REV3L: variants seen among roughly 807,000 people sequenced by gnomAD.
The protein encoded by REV3L is REV3 like, DNA directed polymerase zeta catalytic subunit, also known as DNA polymerase zeta catalytic subunit.
Under a neutral mutation model 299.4 loss-of-function variants are expected in REV3L, and 69 were observed. That is an observed-to-expected ratio of 0.23 (90% confidence interval 0.19 to 0.28). The LOEUF (loss-of-function observed/expected upper bound fraction) is 0.28. Ranked by LOEUF, REV3L falls within the 10% of genes least tolerant of loss-of-function variation. The pLI is 1.00. For missense variants in REV3L, 3,128 were observed against 3,693.8 expected, an observed-to-expected ratio of 0.85 and a Z score of 3.97; for synonymous variants, 1,238 against 1,271.4, an observed-to-expected ratio of 0.97 and a Z score of 0.56.
chr6:111,348,064 A>G (rs1267468652), intron 20 of REV3L, among the ~76,000 whole-genome samples: 2 of 152,158 alleles, frequency 1.3e-5, no homozygotes, highest in East Asian at 3.8e-4. Flanking sequence ...GGCCTCCCCA[A>G]GTGCTGGGAT....
At chr6:111,368,857 G>C (rs539230675) in intron 13 of REV3L, among the ~76,000 whole-genome samples, 3 of 152,046 alleles carry the variant, frequency 2.0e-5, no homozygotes, top group Admixed American at 1.3e-4. Context: ...ACTTCTCTTA[G>C]GGCATGATTC....
At chr6:111,300,541 C>A (rs1479353319) in intron 31 of REV3L, among the ~76,000 whole-genome samples, 1 of 152,116 alleles carries the variant, frequency 6.6e-6, no homozygotes, top group Non-Finnish European at 1.5e-5. Context: ...AAAAGTTACT[C>A]TTTTTCGTAT....
At chr6:111,483,298 G>A, upstream of REV3L, 1 of 485,888 alleles carries the variant, frequency 2.1e-6, no homozygotes, top group Non-Finnish European at 3.6e-6. Context: ...GAGGGGGCTC[G>A]GCGGGAAAAG....
chr6:111,432,468 T>C (rs1320554444), intron 1 of REV3L, among the ~76,000 whole-genome samples: 1 of 152,240 alleles, frequency 6.6e-6, no homozygotes, highest in Admixed American at 6.5e-5. Flanking sequence ...AGGGTCACTA[T>C]GTATTGATAA....
intron 28 of REV3L, 50 bp from the exon 29 acceptor site, chr6:111,311,309 T>C (rs1307273372): frequency 7.1e-7 from 1 of 1,412,044 alleles, no homozygotes; most frequent in East Asian, 2.3e-5. Context: ...TCCTAGTATG[T>C]TTCACCATTG....
chr6:111,482,106 C>G (rs1462363215), intron 1 of REV3L, among the ~76,000 whole-genome samples: 1 of 152,156 alleles, frequency 6.6e-6, no homozygotes, highest in African/African-American at 2.4e-5. Flanking sequence ...GGATGCTGCC[C>G]TGTCCCCCGA....
At chr6:111,437,250 G>A (rs1787663213) in intron 1 of REV3L, among the ~76,000 whole-genome samples, 1 of 152,084 alleles carries the variant, frequency 6.6e-6, no homozygotes, top group African/African-American at 2.4e-5. Context: ...ATGTCTAAGA[G>A]AAATGAAAAT....
chr6:111,352,196 T>A (rs1156472627), intron 18 of REV3L, among the ~76,000 whole-genome samples: 2 of 152,030 alleles, frequency 1.3e-5, no homozygotes, highest in Non-Finnish European at 2.9e-5. Flanking sequence ...TTAGTAGAGA[T>A]GAGGTTTCAC....
At chr6:111,351,313 T>A (rs940008465) in intron 19 of REV3L, among the ~76,000 whole-genome samples, 16 of 152,044 alleles carry the variant, frequency 1.1e-4, no homozygotes, top group African/African-American at 3.9e-4. Context: ...TGTAGCTTCA[T>A]AATAATTATG....
intron 1 of REV3L, among the ~76,000 whole-genome samples, chr6:111,458,720 T>G (rs938463190): frequency 2.0e-5 from 3 of 152,076 alleles, no homozygotes; most frequent in Admixed American, 2.0e-4. Context: ...GGAATACATC[T>G]AATGAAAGTA....
intron 26 of REV3L, among the ~76,000 whole-genome samples, chr6:111,316,163 G>A (rs1383044919): frequency 7.3e-5 from 11 of 149,862 alleles, no homozygotes; most frequent in African/African-American, 2.5e-4. Context: ...GCTTGAGCCT[G>A]GGAGGCAGAG....
chr6:111,313,314 T>G, intron 28 of REV3L, 38 bp downstream of exon 28: 2 of 1,578,022 alleles, frequency 1.3e-6, no homozygotes, highest in East Asian at 4.5e-5. Flanking sequence ...TTTAGCCACT[T>G]ATTTCTTACA....
intron 16 of REV3L, among the ~76,000 whole-genome samples, chr6:111,359,520 G>GGAA (rs1491511143): frequency 3.9e-5 from 4 of 102,608 alleles, no homozygotes; most frequent in Non-Finnish European, 7.3e-5. Flanking sequence ...AGTTTTTCCT[G>GGAA]AAAAAAAAAA....
intron 1 of REV3L, chr6:111,430,841 T>C (rs1232241895): frequency 3.9e-5 from 63 of 1,607,754 alleles, no homozygotes; most frequent in African/African-American, 9.4e-5. Context: ...TCAGTGCAAA[T>C]TGGAAAGAAG....
intron 16 of REV3L, among the ~76,000 whole-genome samples, chr6:111,361,802 GGAAGA>G (rs1485915478): frequency 3.3e-5 from 5 of 152,124 alleles, no homozygotes; most frequent in African/African-American, 1.2e-4. Context: ...CCTAGAGAAA[GGAAGA>G]GAACAGTATT....
At chr6:111,455,650 G>A (rs940205246) in intron 1 of REV3L, among the ~76,000 whole-genome samples, 1 of 152,072 alleles carries the variant, frequency 6.6e-6, no homozygotes, top group East Asian at 1.9e-4. Context: ...CCATGGAAAT[G>A]GACAGAGAAT....
chr6:111,349,319 T>C lies in REV3L; in HGVS notation c.7318A>G (p.Arg2440Gly), dbSNP rs765671440. ...TACTCATCTCTTTCAGCTGCAAATC[T>C]GTTCTCAATTTTGTCATCTATAGAA... ...SRVPDDKIEN[R>G]FAAERDEYGS... is the part of the protein sequence containing the mutation. The change falls in exon 20 of 32, where the codon AGA becomes GGA. Residue 2440 changes from arginine to glycine, a missense_variant. By Grantham distance (125) the Arg-to-Gly change is moderately radical (BLOSUM62 -2). Transcript: ENST00000368802. 6.3e-7 allele frequency: 1 copy of C among 1,589,746 alleles called. No individual in the cohort carries two copies. Among genetic ancestry groups the C allele is most frequent in the Non-Finnish European group, 8.6e-7 (1 of 1,163,096 alleles).
At chr6:111,382,883 A>T (rs1470166849) in intron 9 of REV3L, among the ~76,000 whole-genome samples, 3 of 152,064 alleles carry the variant, frequency 2.0e-5, no homozygotes, top group African/African-American at 7.2e-5. Context: ...GAGTGAAGAG[A>T]ACTTTATCTT....
intron 1 of REV3L, 24 bp from the exon 2 acceptor site, chr6:111,416,496 T>G: frequency 6.4e-7 from 1 of 1,573,456 alleles, no homozygotes; most frequent in Non-Finnish European, 8.7e-7. Context: ...CATTATAAAG[T>G]TTAGTTTCCA....
Sources: gnomAD v4.1 joint callset for allele counts (sites outside exome capture counted in the v4.1 genomes callset) on GRCh38, gnomAD v4.1.1 for gene constraint, MANE v1.5 for transcripts, NCBI Gene and HGNC (gene_info 2026-07-23, HGNC 2026-07-21) for gene names.